The following CERKL variants were observed in gnomAD, a reference collection of about 807,000 sequenced individuals.
CERKL encodes CERK like autophagy regulator, also known as ceramide kinase-like protein.
In CERKL, 61 loss-of-function variants were observed where a neutral mutation model predicts 63.4. The ratio of observed to expected loss-of-function variants is 0.96; its 90% CI spans 0.78 to 1.19. The LOEUF (loss-of-function observed/expected upper bound fraction) is 1.19, where lower values mean the gene tolerates loss of function less well. Ranked by LOEUF, CERKL falls within the 50% of genes most tolerant of loss-of-function variation. The probability of loss-of-function intolerance (pLI) is 0.00; values close to 1 mark genes in which losing one functional copy is unlikely to be tolerated. For missense variants in CERKL, 675 were observed against 655.5 expected, an observed-to-expected ratio of 1.03 and a Z score of -0.33; for synonymous variants, 250 against 230.5, an observed-to-expected ratio of 1.08 and a Z score of -0.77.
At chr2:181,603,796 G>C (rs1685555458) in intron 2 of CERKL, 41 bp downstream of exon 2, 1 of 1,603,230 alleles carries the variant, frequency 6.2e-7, no homozygotes. Flanking sequence ...TGTATATCAA[G>C]GAAACTGGGC....
At position 181,604,118 on chromosome 2, in the gene CERKL, T is replaced by C. The variant is rs201807819; in HGVS notation, c.239-39A>G. The C allele has an allele frequency of 1.3e-4, 205 of 1,534,918 alleles. 1 individual carries two copies. In the East Asian group the frequency reaches 3.5e-3, roughly 26 times the overall value. On this transcript the variant is annotated intron_variant, in intron 1 of 12. Coordinates refer to ENST00000410087, the MANE Select transcript of CERKL (RefSeq NM_201548.5). ...AAATTTTCCAATTAAAACCATTGTG[T>C]TTCATAGAGAGGAACAACAGACACT...
intron 1 of CERKL, among the ~76,000 whole-genome samples, chr2:181,618,530 G>A (rs991744660): frequency 1.3e-5 from 2 of 151,838 alleles, no homozygotes; most frequent in African/African-American, 4.8e-5. Context: ...TGATTCTCGT[G>A]CCTCAGCCTC....
intron 1 of CERKL, among the ~76,000 whole-genome samples, chr2:181,643,358 G>A (rs1252241581): frequency 6.6e-6 from 1 of 152,152 alleles, no homozygotes; most frequent in Admixed American, 6.5e-5. Context: ...CAAGATCTTA[G>A]GGCCTTCAGC....
intron 11 of CERKL, among the ~76,000 whole-genome samples, chr2:181,540,784 G>C (rs1225552032): frequency 6.6e-6 from 1 of 152,176 alleles, no homozygotes; most frequent in African/African-American, 2.4e-5. Flanking sequence ...TTGGGGCACG[G>C]GGAGGAGAAG....
At chr2:181,585,409 T>C (rs906786280) in intron 2 of CERKL, among the ~76,000 whole-genome samples, 2 of 152,150 alleles carry the variant, frequency 1.3e-5, no homozygotes, top group African/African-American at 4.8e-5. Context: ...TGCAAAACAA[T>C]CATTTAAGCA....
chr2:181,555,470 G>T (rs373266639), intron 5 of CERKL, among the ~76,000 whole-genome samples: 22 of 152,170 alleles, frequency 1.4e-4, no homozygotes, highest in African/African-American at 5.3e-4. Context: ...AGAATTATCA[G>T]ATTATATCTG....
Position 181,550,279 on chromosome 2 carries a change from CA to C in CERKL, c.821-572del, listed in dbSNP as rs1267785135. On this transcript the variant is annotated intron_variant, in intron 5 of 12. Transcript: ENST00000410087. The surrounding 1 kb of genome is among the most constrained non-coding windows in gnomAD (Gnocchi z 4.5). Reference sequence around the variant, plus strand: ...CCTACATTGAAGAAAATGTTTAATTCAATTGTATTTCCCATGTATGAAGATT... The same window carrying C: ...CCTACATTGAAGAAAATGTTTAATTCATTGTATTTCCCATGTATGAAGATT... 8.5e-5 allele frequency among the ~76,000 whole-genome samples: 13 copies of C among 152,134 alleles called. No individual in the cohort carries two copies. The highest frequency in any genetic ancestry group is 3.1e-4 in the African/African-American group (13 of 41,444).
At chr2:181,583,094 G>A (rs920045067) in intron 2 of CERKL, among the ~76,000 whole-genome samples, 2 of 151,264 alleles carry the variant, frequency 1.3e-5, no homozygotes, top group African/African-American at 2.4e-5. Flanking sequence ...TATATTTCTG[G>A]GTAATCAAAT....
chr2:181,598,796 C>T (rs1232396390), intron 2 of CERKL, among the ~76,000 whole-genome samples: 1 of 151,998 alleles, frequency 6.6e-6, no homozygotes, highest in African/African-American at 2.4e-5. Flanking sequence ...CATAAAGAGC[C>T]TTGGCCCCCT....
rs1559065519 is a variant in CERKL at position 181,538,063 on chromosome 2, G to GAAAAATCA, written c.*120_*121insTGATTTTT. On this transcript the variant is annotated 3_prime_UTR_variant, in exon 13 of 13. Transcript: ENST00000410087. ...ATCCTGAAACCATTCCCCCATCCAC[G>GAAAAATCA]GAAAAATTGTCTTCCATGAAACTGG... 2.2e-4 allele frequency: 158 copies of GAAAAATCA among 717,142 alleles called. 1 individual carries two copies. The East Asian group carries it at 4.3e-3, about 19-fold the overall frequency. 44.4% of individuals were successfully genotyped at this position (717,142 alleles called of 1,614,324 possible). A position where few individuals can be genotyped will look rare whatever the true frequency, so the allele number is the denominator to read the frequency against.
chr2:181,590,942 C>T (rs147738862), intron 2 of CERKL, among the ~76,000 whole-genome samples: 59 of 152,168 alleles, frequency 3.9e-4, no homozygotes, highest in African/African-American at 1.3e-3. Context: ...TACCAAGGTA[C>T]GATATGCACA....
In CERKL at chr2:181,558,502, T is replaced by A; in HGVS notation, c.820+64A>T. The A allele has an allele frequency of 3.2e-6, 5 of 1,543,236 alleles. No homozygotes were observed. The highest frequency in any genetic ancestry group is 4.5e-6 in the Non-Finnish European group (5 of 1,120,378). ...TAATTCTGTGTTGTGCTGTCTAGAT[T>A]AGCAAGTAAGAAAGGAAAAGAGGGA... On this transcript the variant is annotated intron_variant, in intron 5 of 12. Transcript: ENST00000410087. This position sits in a 1 kb window ranked among gnomAD's most constrained non-coding sequence, Gnocchi z 4.2.
At chr2:181,646,568 C>G (rs1162195549) in intron 1 of CERKL, among the ~76,000 whole-genome samples, 1 of 152,136 alleles carries the variant, frequency 6.6e-6, no homozygotes, top group Non-Finnish European at 1.5e-5. Context: ...ATGAGAACCA[C>G]AGTGTGCAAT....
intron 2 of CERKL, among the ~76,000 whole-genome samples, chr2:181,578,236 A>ATGTGTG (rs202143973): frequency 1.4e-5 from 2 of 143,520 alleles, no homozygotes; most frequent in Non-Finnish European, 3.0e-5. Context: ...ACACACATAT[A>ATGTGTG]TGTGTGTATA....
intron 5 of CERKL, among the ~76,000 whole-genome samples, chr2:181,557,109 C>T (rs1412294166): frequency 6.6e-6 from 1 of 151,852 alleles, no homozygotes; most frequent in Non-Finnish European, 1.5e-5. Flanking sequence ...CTTGTAAATT[C>T]TTTTGAGTTC....
intron 1 of CERKL, among the ~76,000 whole-genome samples, chr2:181,606,239 T>TGGTAGACAAGGAGGAA (rs1685675693): frequency 1.1e-5 from 1 of 90,752 alleles, no homozygotes; most frequent in African/African-American, 5.2e-5. Context: ...GAAGGGAGGA[T>TGGTAGACAAGGAGGAA]GGAAGACAAG....
At chr2:181,582,257 T>C (rs1437632216) in intron 2 of CERKL, among the ~76,000 whole-genome samples, 1 of 152,166 alleles carries the variant, frequency 6.6e-6, no homozygotes, top group African/African-American at 2.4e-5. Context: ...TAGCAGCTCA[T>C]TTTTGTTGTA....
intron 1 of CERKL, among the ~76,000 whole-genome samples, chr2:181,625,490 G>T (rs146906020): frequency 2.2e-4 from 34 of 152,242 alleles, no homozygotes; most frequent in African/African-American, 8.2e-4. Flanking sequence ...CAAATGGTAT[G>T]CCATGTTTTA....
At chr2:181,554,936 A>G (rs866466385) in intron 5 of CERKL, among the ~76,000 whole-genome samples, 5 of 152,286 alleles carry the variant, frequency 3.3e-5, no homozygotes, top group South Asian at 2.1e-4. Context: ...AGAATGCTAG[A>G]ACTCCTATGC....
Sources: allele counts gnomAD v4.1 joint callset (sites outside exome capture counted in the v4.1 genomes callset), GRCh38; gene constraint gnomAD v4.1.1; non-coding constraint Gnocchi (gnomAD v3.1); transcripts MANE v1.5; gene names NCBI Gene and HGNC (gene_info 2026-07-23, HGNC 2026-07-21).